STARD13: variants seen among roughly 807,000 people sequenced by gnomAD.
STARD13 encodes stAR-related lipid transfer protein 13.
A neutral mutation model predicts 106.4 loss-of-function variants in STARD13; 62 were observed. The observed-to-expected ratio is 0.58, with a 90% CI of 0.48 to 0.72. STARD13 has a LOEUF of 0.72. STARD13 is among the 30% of genes least tolerant of loss of function. The pLI, the probability that STARD13 is intolerant of heterozygous loss-of-function variation, is 0.00. For missense variants in STARD13, 1,387 were observed against 1,424.0 expected (o/e 0.97, Z 0.42); for synonymous variants, 565 against 553.0 (o/e 1.02, Z -0.31).
At chr13:33,185,188 C>T (rs2035037811) in intron 1 of STARD13, among the ~76,000 whole-genome samples, 1 of 152,150 alleles carries the variant, frequency 6.6e-6, no homozygotes, top group Non-Finnish European at 1.5e-5. Flanking sequence ...TTATGATGGA[C>T]CCAGGTATCT....
the STARD13 span, among the ~76,000 whole-genome samples, chr13:33,425,924 T>C: frequency 6.6e-6 from 1 of 152,204 alleles, no homozygotes; most frequent in Non-Finnish European, 1.5e-5. Flanking sequence ...TTACTGAAAT[T>C]GTTGTTTTTA....
In STARD13 at chr13:33,285,643, G is replaced by T; in HGVS notation, c.-5C>A. On this transcript the variant is annotated 5_prime_UTR_variant, in exon 1 of 14. Transcript: ENST00000336934. Reference sequence around the variant, plus strand: ...CCTGGGCACCTGACTGAACATCTCGGCAGATTTCCTATTGCCACCTCAGTC... The same window carrying T: ...CCTGGGCACCTGACTGAACATCTCGTCAGATTTCCTATTGCCACCTCAGTC... 6.2e-7 allele frequency: 1 copy of T among 1,612,126 alleles called. No homozygotes were observed. Among genetic ancestry groups the T allele is most frequent in the Non-Finnish European group, 8.5e-7 (1 of 1,179,698 alleles).
chr13:33,219,151 T>C (rs1299886476), intron 1 of STARD13, among the ~76,000 whole-genome samples: 1 of 152,088 alleles, frequency 6.6e-6, no homozygotes, highest in Admixed American at 6.5e-5. Flanking sequence ...TAACTTTCCA[T>C]GGACTGAGGG....
chr13:33,175,959 G>T (rs921647343), intron 1 of STARD13, among the ~76,000 whole-genome samples: 7 of 152,234 alleles, frequency 4.6e-5, no homozygotes, highest in Middle Eastern at 3.4e-3. Context: ...GATAGCAGGG[G>T]AAAACCTTGC....
chr13:33,410,393 C>T, the STARD13 span, among the ~76,000 whole-genome samples: 3 of 152,206 alleles, frequency 2.0e-5, no homozygotes, highest in Non-Finnish European at 4.4e-5. Flanking sequence ...ATGGGGACAT[C>T]TTGCTTGATC....
intron 1 of STARD13, among the ~76,000 whole-genome samples, chr13:33,242,764 T>A (rs533438130): frequency 6.6e-5 from 10 of 151,092 alleles, no homozygotes; most frequent in Middle Eastern, 3.4e-3. Context: ...AAAAAAAAAA[T>A]AAAAAATAAA....
the STARD13 span, among the ~76,000 whole-genome samples, chr13:33,545,138 T>G: frequency 7.0e-4 from 107 of 152,208 alleles, no homozygotes; most frequent in Admixed American, 2.0e-3. Flanking sequence ...TGTATTTTCC[T>G]TAGTAGAGAT....
the STARD13 span, among the ~76,000 whole-genome samples, chr13:33,458,654 C>A: frequency 6.6e-6 from 1 of 152,126 alleles, no homozygotes; most frequent in African/African-American, 2.4e-5. Flanking sequence ...TAGAATCCAG[C>A]AATTCCTGTT....
chr13:33,298,121 G>GTTT lies in STARD13; in HGVS notation c.124+52166_124+52168dup, dbSNP rs71071090. 1.8e-3 allele frequency among the ~76,000 whole-genome samples: 92 copies of GTTT among 51,944 alleles called. 12 individuals are homozygous for GTTT. The highest frequency in any genetic ancestry group is 5.4e-3 in the Admixed American group (17 of 3,126). 34.1% of individuals were successfully genotyped at this position (51,944 alleles called of 152,430 possible). ...CTAGTCTGGCCCCATCCCATCTACA[G>GTTT]TTTTTTTTTTTTTTTTTTTTTTTTT... On this transcript the variant is annotated intron_variant, in intron 1 of 5. Transcript: ENST00000567873.
chr13:33,447,776 A>G, the STARD13 span, among the ~76,000 whole-genome samples: 1 of 152,200 alleles, frequency 6.6e-6, no homozygotes, highest in Non-Finnish European at 1.5e-5. Context: ...TGAGAAATGG[A>G]GAGATGGGAG....
At chr13:33,476,848 A>G in the STARD13 span, among the ~76,000 whole-genome samples, 1 of 152,234 alleles carries the variant, frequency 6.6e-6, no homozygotes, top group African/African-American at 2.4e-5. Flanking sequence ...TGAAAAAGAC[A>G]CTGACTCCTG....
At chr13:33,459,977 T>C in the STARD13 span, among the ~76,000 whole-genome samples, 15 of 152,318 alleles carry the variant, frequency 9.8e-5, no homozygotes, top group East Asian at 2.5e-3. Context: ...ACTAAGATGA[T>C]CTCTTTATTA....
intron 1 of STARD13, among the ~76,000 whole-genome samples, chr13:33,253,254 G>T (rs1199214971): frequency 3.9e-5 from 6 of 152,186 alleles, no homozygotes; most frequent in African/African-American, 1.4e-4. Flanking sequence ...GACAGGTGCT[G>T]TATTCCTCCT....
At chr13:33,602,352 A>G in the STARD13 span, among the ~76,000 whole-genome samples, 65 of 152,268 alleles carry the variant, frequency 4.3e-4, no homozygotes, top group African/African-American at 1.5e-3. Context: ...TGGCCTCCCA[A>G]AGTGCTGGGA....
chr13:33,456,146 C>T, the STARD13 span, among the ~76,000 whole-genome samples: 2,205 of 152,162 alleles, frequency 0.014, 30 homozygotes, highest in South Asian at 0.022. Context: ...GGCTGCCATA[C>T]AAATATCACA....
In STARD13 at chr13:33,217,895, C is replaced by T. The variant is rs539057989; in HGVS notation, c.170-50273G>A. Among the ~76,000 whole-genome samples the T allele has an allele frequency of 1.6e-4, 25 of 152,092 alleles. No homozygotes were observed. In the South Asian group the frequency reaches 5.0e-3, roughly 30 times the overall value. On this transcript the variant is annotated intron_variant, in intron 1 of 13. Transcript: ENST00000336934. ...AGTCTAGCAGGACAGGTAAATCAGGCGAGTGATTTATTTTAAAAGAGAAAG... is the reference window on the plus strand; with the variant it reads ...AGTCTAGCAGGACAGGTAAATCAGGTGAGTGATTTATTTTAAAAGAGAAAG...
the STARD13 span, among the ~76,000 whole-genome samples, chr13:33,599,072 G>A: frequency 6.6e-6 from 1 of 152,152 alleles, no homozygotes; most frequent in Admixed American, 6.5e-5. Context: ...CCAGCAGTTG[G>A]TTTCTCTTCC....
intron 1 of STARD13, among the ~76,000 whole-genome samples, chr13:33,231,609 T>G (rs1462530719): frequency 1.3e-5 from 2 of 152,112 alleles, no homozygotes; most frequent in Non-Finnish European, 2.9e-5. Flanking sequence ...TGGCATGCGT[T>G]CACATTTACC....
At chr13:33,575,323 G>A in the STARD13 span, among the ~76,000 whole-genome samples, 225 of 152,064 alleles carry the variant, frequency 1.5e-3, 6 homozygotes, top group East Asian at 0.042. Context: ...AATATAATTT[G>A]GACAAATTAT....
Sources: allele counts gnomAD v4.1 joint callset (sites outside exome capture counted in the v4.1 genomes callset), GRCh38; gene constraint gnomAD v4.1.1; transcripts MANE v1.5; gene names NCBI Gene and HGNC (gene_info 2026-07-23, HGNC 2026-07-21).